FAF1: variants seen among roughly 807,000 people sequenced by gnomAD.
FAF1 encodes the protein Fas associated factor 1.
A neutral mutation model predicts 92.5 loss-of-function variants in FAF1; 25 were observed. The ratio of observed to expected loss-of-function variants is 0.27; its 90% CI spans 0.20 to 0.38. The LOEUF is 0.38. FAF1 is among the 10% of genes least tolerant of loss of function. FAF1 has a pLI of 1.00. For missense variants in FAF1, 636 were observed against 793.3 expected, an observed-to-expected ratio of 0.80 and a Z score of 2.38; for synonymous variants, 234 against 273.2, an observed-to-expected ratio of 0.86 and a Z score of 1.42.
At chr1:50,749,792 GAA>G (rs374146304) in intron 4 of FAF1, among the ~76,000 whole-genome samples, 1 of 133,208 alleles carries the variant, frequency 7.5e-6, no homozygotes, top group Non-Finnish European at 1.6e-5. Context: ...CTGTCTCAGA[GAA>G]AAAAAAAAAA....
At chr1:50,617,102 A>G (rs1652947580) in intron 8 of FAF1, among the ~76,000 whole-genome samples, 1 of 152,116 alleles carries the variant, frequency 6.6e-6, no homozygotes, top group Non-Finnish European at 1.5e-5. Flanking sequence ...ATACAGTTTG[A>G]CTTCTTTTTC....
chr1:50,725,730 A>G (rs1313846960), intron 6 of FAF1, among the ~76,000 whole-genome samples: 1 of 152,194 alleles, frequency 6.6e-6, no homozygotes, highest in Non-Finnish European at 1.5e-5. Context: ...TGCTGGGATT[A>G]TAGGCGTGAG....
intron 2 of FAF1, among the ~76,000 whole-genome samples, chr1:50,845,347 A>T (rs1482774424): frequency 1.3e-5 from 2 of 152,162 alleles, no homozygotes; most frequent in Admixed American, 6.5e-5. Context: ...TAGCCTACCA[A>T]TAACCTTTCC....
intron 8 of FAF1, among the ~76,000 whole-genome samples, chr1:50,630,993 G>C (rs979228963): frequency 6.6e-6 from 1 of 151,702 alleles, no homozygotes; most frequent in East Asian, 1.9e-4. Flanking sequence ...AGTAGAGATG[G>C]GGTTTCACCA....
At chr1:50,709,420 G>A (rs945308835) in intron 6 of FAF1, among the ~76,000 whole-genome samples, 5 of 152,190 alleles carry the variant, frequency 3.3e-5, no homozygotes, top group Non-Finnish European at 7.3e-5. Context: ...TAGCACACTA[G>A]AAGGTGATTC....
In FAF1 at chr1:50,922,473, A is replaced by AAAG. The variant is rs1553151979; in HGVS notation, c.45+37293_45+37294insCTT. 2.9e-4 allele frequency among the ~76,000 whole-genome samples: 43 copies of AAAG among 147,686 alleles called. No homozygotes were observed. The East Asian group carries it at 7.4e-3, about 25-fold the overall frequency. ...GACTCTGCCTCAAAAAAAAAAAAAAAAAAAAAAAAGAAAAGAGAGAGAGAA... is the reference window on the plus strand; with the variant it reads ...GACTCTGCCTCAAAAAAAAAAAAAAAAAGAAAAAAAAAGAAAAGAGAGAGAGAA... On this transcript the variant is annotated intron_variant, in intron 1 of 18. Transcript: ENST00000396153.
chr1:50,591,785 G>A (rs981140947), intron 9 of FAF1, among the ~76,000 whole-genome samples: 2 of 150,564 alleles, frequency 1.3e-5, no homozygotes, highest in East Asian at 1.9e-4. Context: ...CTTTTCCCCC[G>A]ACTTTCTTCT....
At chr1:50,644,222 A>C (rs1654475521) in intron 8 of FAF1, among the ~76,000 whole-genome samples, 1 of 152,166 alleles carries the variant, frequency 6.6e-6, no homozygotes, top group South Asian at 2.1e-4. Flanking sequence ...AGTAGCCTTC[A>C]TTCTAGGGCC....
chr1:50,590,604 T>C (rs2124055692), intron 9 of FAF1, among the ~76,000 whole-genome samples: 1 of 152,348 alleles, frequency 6.6e-6, no homozygotes, highest in South Asian at 2.1e-4. Context: ...ATTATTTTAA[T>C]CCTTCCTTTT....
chr1:50,549,105 G>C (rs369838098), intron 13 of FAF1, among the ~76,000 whole-genome samples: 30 of 152,090 alleles, frequency 2.0e-4, no homozygotes, highest in East Asian at 1.7e-3. Flanking sequence ...CACTAAACAG[G>C]AAGTTATTCT....
intron 7 of FAF1, among the ~76,000 whole-genome samples, chr1:50,701,761 C>T (rs1569796344): frequency 1.3e-5 from 2 of 152,028 alleles, no homozygotes; most frequent in East Asian, 3.8e-4. Flanking sequence ...CTATTGGCTT[C>T]CCATTTAATC....
At chr1:50,931,104 T>G (rs375978283) in intron 1 of FAF1, among the ~76,000 whole-genome samples, 3 of 152,336 alleles carry the variant, frequency 2.0e-5, no homozygotes, top group Middle Eastern at 3.4e-3. Flanking sequence ...TATTTAATTT[T>G]CATCCAACCT....
At position 50,705,901 on chromosome 1, in the gene FAF1, T is replaced by C. The variant is rs748398890; in HGVS notation, c.552-10A>G. The C allele has an allele frequency of 1.3e-6, 2 of 1,563,976 alleles. No homozygotes were observed. Among genetic ancestry groups the C allele is most frequent in the Non-Finnish European group, 1.8e-6 (2 of 1,138,168 alleles). On this transcript the variant is annotated splice_polypyrimidine_tract_variant and intron_variant, in intron 6 of 18. Coordinates refer to ENST00000396153, the MANE Select transcript of FAF1 (RefSeq NM_007051.3). ...TGACTCCTGCAGGGCACTGAAAGGG[T>C]TGAAAGAAAAACAAGGAACTCAGAG...
At chr1:50,734,422 T>C (rs1465623495) in intron 6 of FAF1, among the ~76,000 whole-genome samples, 1 of 152,178 alleles carries the variant, frequency 6.6e-6, no homozygotes. Context: ...TATTTTATAC[T>C]GTTGGACATT....
At chr1:50,951,165 T>C (rs1184064789) in intron 1 of FAF1, among the ~76,000 whole-genome samples, 2 of 152,188 alleles carry the variant, frequency 1.3e-5, no homozygotes, top group African/African-American at 2.4e-5. Flanking sequence ...ACCGGGGAGA[T>C]GGAGGTTGCA....
At chr1:50,848,341 G>A (rs1013616470) in intron 2 of FAF1, among the ~76,000 whole-genome samples, 11 of 152,154 alleles carry the variant, frequency 7.2e-5, no homozygotes, top group Admixed American at 3.3e-4. Flanking sequence ...ATACAATGCC[G>A]TATAGGGCTG....
At chr1:50,629,233 G>A (rs953703472) in intron 8 of FAF1, among the ~76,000 whole-genome samples, 26 of 148,340 alleles carry the variant, frequency 1.8e-4, no homozygotes, top group African/African-American at 6.3e-4. Flanking sequence ...GCAATGGTGC[G>A]ATCTCGGCTC....
chr1:50,723,191 A>T (rs2124458025), intron 6 of FAF1, among the ~76,000 whole-genome samples: 1 of 152,292 alleles, frequency 6.6e-6, no homozygotes, highest in East Asian at 1.9e-4. Flanking sequence ...ACCTGAGTTC[A>T]GAAGTTTGAG....
At chr1:50,576,953 C>T (rs1280143936) in intron 12 of FAF1, among the ~76,000 whole-genome samples, 1 of 151,456 alleles carries the variant, frequency 6.6e-6, no homozygotes, top group African/African-American at 2.4e-5. Context: ...AGGTGTAAGT[C>T]ACCATGCCCA....
Sources: allele counts gnomAD v4.1 joint callset (sites outside exome capture counted in the v4.1 genomes callset), GRCh38; gene constraint gnomAD v4.1.1; transcripts MANE v1.5; gene names NCBI Gene and HGNC (gene_info 2026-07-23, HGNC 2026-07-21).